The following CFAP46 variants were observed in gnomAD, a reference collection of about 807,000 sequenced individuals.
CFAP46 encodes the protein cilia and flagella associated protein 46, also known as cilia- and flagella-associated protein 46.
Under a neutral mutation model 325.7 loss-of-function variants are expected in CFAP46, and 245 were observed. The ratio of observed to expected loss-of-function variants is 0.75; its 90% CI spans 0.68 to 0.84. The LOEUF (loss-of-function observed/expected upper bound fraction) is 0.84, where lower values mean the gene tolerates loss of function less well. CFAP46 is among the 40% of genes least tolerant of loss of function. The pLI is 0.00. For missense variants in CFAP46, 3,346 were observed against 3,543.0 expected (o/e 0.94, Z 1.41); for synonymous variants, 1,523 against 1,495.9 (o/e 1.02, Z -0.42).
At chr10:132,916,471 C>CCA in intron 17 of CFAP46, 78 bp downstream of exon 17, 1 of 1,436,572 alleles carries the variant, frequency 7.0e-7, no homozygotes, top group South Asian at 1.4e-5. Flanking sequence ...GTGTCCCTCC[C>CCA]CACGCCAGCC....
At chr10:132,940,932 A>T (rs1037388714) in intron 4 of CFAP46, 64 bp downstream of exon 4, 9 of 1,508,320 alleles carry the variant, frequency 6.0e-6, no homozygotes, top group Non-Finnish European at 8.3e-6. Context: ...CACCCACTTG[A>T]TAAGTTCTGG....
intron 54 of CFAP46, 35 bp from the exon 55 acceptor site, chr10:132,812,932 C>T (rs1443274103): frequency 1.9e-6 from 3 of 1,541,818 alleles, no homozygotes; most frequent in Non-Finnish European, 2.7e-6. Flanking sequence ...CAACAGTGCC[C>T]ATGCACCTGT....
Position 132,834,788 on chromosome 10 carries a change from A to G in CFAP46, c.6745-13T>C. On this transcript the variant is annotated splice_polypyrimidine_tract_variant and intron_variant, in intron 47 of 57. Coordinates refer to ENST00000368586, the MANE Select transcript of CFAP46 (RefSeq NM_001200049.3). ...GGCCTTCTGGTTCCTACCGCAATCC[A>G]AAAAAGAGGCCCCCGTAGCAAACAG... The G allele has an allele frequency of 1.2e-6, 2 of 1,605,014 alleles. No individual in the cohort carries two copies. Among genetic ancestry groups the G allele is most frequent in the Non-Finnish European group, 1.7e-6 (2 of 1,174,894 alleles).
chr10:132,874,163 TGAG>T (rs761870900), intron 31 of CFAP46, among the ~76,000 whole-genome samples: 36 of 152,194 alleles, frequency 2.4e-4, no homozygotes, highest in Non-Finnish European at 4.7e-4. Flanking sequence ...TACCACATCC[TGAG>T]GAGGACACAC....
At chr10:132,851,455 A>C (rs577820117) in intron 39 of CFAP46, 150 bp from the exon 40 acceptor site, 31 of 723,506 alleles carry the variant, frequency 4.3e-5, no homozygotes, top group Non-Finnish European at 6.3e-5. Context: ...TTTGATCACG[A>C]ATACACCCGT....
rs60514588 is a variant in CFAP46 at position 132,832,388 on chromosome 10, GCC to G, written c.7117+968_7117+969del. 3.5e-3 allele frequency among the ~76,000 whole-genome samples: 366 copies of G among 106,036 alleles called. 13 individuals are homozygous for G. The highest frequency in any genetic ancestry group is 0.011 in the African/African-American group (275 of 25,024). The allele number at this position is 106,036 out of a possible 152,430, so 69.6% of individuals were successfully genotyped here. On this transcript the variant is annotated intron_variant, in intron 50 of 57. Transcript: ENST00000368586. This position sits in a 1 kb window ranked among gnomAD's most constrained non-coding sequence, Gnocchi z 4.1. ...TTGCGGAGACCCCTGGGCTCTTCCTGCCCCCCCCCCCCAATGCTGTGGCCTGG... is the reference window on the plus strand; with the variant it reads ...TTGCGGAGACCCCTGGGCTCTTCCTGCCCCCCCCCCAATGCTGTGGCCTGG...
rs1848861302 is a variant in CFAP46 at position 132,869,226 on chromosome 10, A to G, written c.4610+48T>C. The G allele has an allele frequency of 6.9e-7, 1 of 1,455,722 alleles. No individual in the cohort carries two copies. Among genetic ancestry groups the G allele is most frequent in the African/African-American group, 1.4e-5 (1 of 70,064 alleles). The allele number at this position is 1,455,722 out of a possible 1,614,324, so 90.2% of individuals were successfully genotyped here. ...CAGCTGGCTTTCACCTGGCCGCACC[A>G]AGGGCGAGACTCAAACCCCAGGCGG... is the stretch of plus-strand genomic sequence containing the variant. On this transcript the variant is annotated intron_variant, in intron 33 of 57. Transcript: ENST00000368586. This position sits in a 1 kb window ranked among gnomAD's most constrained non-coding sequence, Gnocchi z 6.2.
At chr10:132,862,026 C>T (rs544546837) in intron 35 of CFAP46, among the ~76,000 whole-genome samples, 1 of 152,376 alleles carries the variant, frequency 6.6e-6, no homozygotes, top group South Asian at 2.1e-4. Flanking sequence ...ACAGGATCCA[C>T]CTGGACGCCA....
chr10:132,916,004 A>T (rs1029492281), intron 17 of CFAP46, among the ~76,000 whole-genome samples: 9 of 152,192 alleles, frequency 5.9e-5, no homozygotes, highest in Admixed American at 5.9e-4. Context: ...TCCAATTTCA[A>T]TTCTTTCTGA....
chr10:132,849,792 T>C (rs1848503941), intron 41 of CFAP46, among the ~76,000 whole-genome samples: 1 of 152,160 alleles, frequency 6.6e-6, no homozygotes, highest in Non-Finnish European at 1.5e-5. Context: ...CTGGCCCTGC[T>C]GTGCACTGGC....
At chr10:132,905,341 G>C (rs1170302249) in intron 22 of CFAP46, among the ~76,000 whole-genome samples, 6 of 151,898 alleles carry the variant, frequency 4.0e-5, no homozygotes, top group Non-Finnish European at 8.8e-5. Flanking sequence ...GTCCTCCTGA[G>C]CCACCCAATG....
chr10:132,904,281 G>A (rs1849426809), intron 22 of CFAP46, among the ~76,000 whole-genome samples: 1 of 152,236 alleles, frequency 6.6e-6, no homozygotes, highest in Non-Finnish European at 1.5e-5. Context: ...ATCTCCTGCT[G>A]AGCAGCACGC....
intron 27 of CFAP46, among the ~76,000 whole-genome samples, chr10:132,883,590 G>A (rs555826777): frequency 1.1e-4 from 16 of 152,248 alleles, no homozygotes; most frequent in Admixed American, 5.9e-4. Context: ...CAGGGCGACC[G>A]TGTGCCCAGC....
intron 50 of CFAP46, among the ~76,000 whole-genome samples, chr10:132,818,516 T>G (rs1847736366): frequency 6.6e-6 from 1 of 151,992 alleles, no homozygotes; most frequent in African/African-American, 2.4e-5. Context: ...TCTTGACTAT[T>G]TAAACAGCGC....
At chr10:132,823,256 G>A (rs1847929502) in intron 50 of CFAP46, among the ~76,000 whole-genome samples, 1 of 135,370 alleles carries the variant, frequency 7.4e-6, no homozygotes, top group African/African-American at 2.8e-5. Context: ...GCGCTGATGT[G>A]TGCTGTGTGA....
At chr10:132,897,653 C>T (rs969659866) in intron 24 of CFAP46, among the ~76,000 whole-genome samples, 6 of 152,228 alleles carry the variant, frequency 3.9e-5, no homozygotes, top group African/African-American at 1.4e-4. Flanking sequence ...GGCAGGTTGG[C>T]AGGTTGGCAG....
At chr10:132,930,204 G>A (rs1849871990) in intron 8 of CFAP46, among the ~76,000 whole-genome samples, 1 of 152,092 alleles carries the variant, frequency 6.6e-6, no homozygotes, top group South Asian at 2.1e-4. Context: ...AGGCCATGCA[G>A]GGAAGAGGCA....
intron 50 of CFAP46, among the ~76,000 whole-genome samples, chr10:132,823,508 G>GTGCA (rs1564767292): frequency 7.9e-6 from 1 of 126,776 alleles, no homozygotes; most frequent in African/African-American, 3.0e-5. Context: ...TGTGCTGTGT[G>GTGCA]CTGATGTGTG....
intron 54 of CFAP46, 124 bp from the exon 55 acceptor site, chr10:132,813,021 A>C: frequency 1.5e-6 from 1 of 681,482 alleles, no homozygotes; most frequent in African/African-American, 1.8e-5. Flanking sequence ...ATTAAACTGA[A>C]CTTTCTTTCA....
Sources: gnomAD v4.1 joint callset for allele counts (sites outside exome capture counted in the v4.1 genomes callset) on GRCh38, gnomAD v4.1.1 for gene constraint, Gnocchi (gnomAD v3.1) non-coding constraint, MANE v1.5 for transcripts, NCBI Gene and HGNC (gene_info 2026-07-23, HGNC 2026-07-21) for gene names.